Variants in GLCE observed in about 807,000 individuals in gnomAD.
GLCE encodes the protein D-glucuronyl C5-epimerase.
Under a neutral mutation model 47.9 loss-of-function variants are expected in GLCE, and 19 were observed. The observed-to-expected ratio is 0.40, with a 90% CI of 0.28 to 0.58. GLCE has a LOEUF of 0.58. GLCE is among the 20% of genes least tolerant of loss of function. The probability of loss-of-function intolerance (pLI) is 0.48; values close to 1 mark genes in which losing one functional copy is unlikely to be tolerated. For synonymous variants in GLCE, 245 were observed against 263.4 expected (o/e 0.93, Z 0.68); for missense variants, 556 against 743.3 (o/e 0.75, Z 2.93).
At chr15:69,215,769 A>G (rs552162932) in intron 2 of GLCE, among the ~76,000 whole-genome samples, 1 of 152,242 alleles carries the variant, frequency 6.6e-6, no homozygotes, top group South Asian at 2.1e-4. Context: ...ATTGTGCAGT[A>G]TATTTTTGCC....
At chr15:69,176,213 C>CTTG (rs1595736810) in intron 1 of GLCE, among the ~76,000 whole-genome samples, 2 of 52,572 alleles carry the variant, frequency 3.8e-5, no homozygotes, top group African/African-American at 5.2e-5. Context: ...TCAGTGGAAC[C>CTTG]TTGTTTTTTT....
At chr15:69,268,014 G>A (rs1198765329) in intron 4 of GLCE, among the ~76,000 whole-genome samples, 1 of 152,098 alleles carries the variant, frequency 6.6e-6, no homozygotes, top group Non-Finnish European at 1.5e-5. Flanking sequence ...TTGGCCTGAT[G>A]CTCACAAGCC....
chr15:69,228,550 G>A (rs1350972166), intron 2 of GLCE, among the ~76,000 whole-genome samples: 3 of 152,030 alleles, frequency 2.0e-5, no homozygotes, highest in Non-Finnish European at 4.4e-5. Flanking sequence ...AGAGAGAAGA[G>A]AAAGAATATA....
chr15:69,230,633 C>T (rs1047735507), intron 2 of GLCE, among the ~76,000 whole-genome samples: 1 of 152,118 alleles, frequency 6.6e-6, no homozygotes, highest in Non-Finnish European at 1.5e-5. Context: ...TCCTGCTAAC[C>T]CTGATTATCA....
At chr15:69,207,319 A>G (rs1340722198) in intron 1 of GLCE, among the ~76,000 whole-genome samples, 2 of 152,010 alleles carry the variant, frequency 1.3e-5, no homozygotes, top group African/African-American at 4.8e-5. Flanking sequence ...GGTTTTGACA[A>G]ATGCATAACG....
chr15:69,214,777 C>T (rs1213896700), intron 2 of GLCE, among the ~76,000 whole-genome samples: 1 of 152,114 alleles, frequency 6.6e-6, no homozygotes, highest in African/African-American at 2.4e-5. Context: ...CAGTGAGAAA[C>T]CTGACTCTCA....
intron 2 of GLCE, among the ~76,000 whole-genome samples, chr15:69,248,079 A>G (rs1326355066): frequency 6.6e-6 from 1 of 152,228 alleles, no homozygotes; most frequent in East Asian, 1.9e-4. Context: ...GAGCACTTGT[A>G]TCACAGATCA....
intron 2 of GLCE, 25 bp from the exon 3 acceptor site, chr15:69,255,769 A>G (rs1202770746): frequency 1.4e-6 from 2 of 1,379,778 alleles, no homozygotes; most frequent in Non-Finnish European, 2.0e-6. Context: ...TCTTTGCATG[A>G]TTTTTTTTCT....
chr15:69,193,075 GC>G (rs923706059), intron 1 of GLCE, among the ~76,000 whole-genome samples: 2 of 150,308 alleles, frequency 1.3e-5, no homozygotes, highest in African/African-American at 4.9e-5. Context: ...TCAGGCATCT[GC>G]CCCCTCCCCC....
chr15:69,238,889 A>T (rs1263204621), intron 2 of GLCE, among the ~76,000 whole-genome samples: 1 of 152,214 alleles, frequency 6.6e-6, no homozygotes, highest in Non-Finnish European at 1.5e-5. Flanking sequence ...ATCTTCAAGG[A>T]ATTCAATCTA....
At chr15:69,162,740 T>TTTTA (rs892029007) in intron 1 of GLCE, among the ~76,000 whole-genome samples, 2 of 152,116 alleles carry the variant, frequency 1.3e-5, no homozygotes, top group African/African-American at 2.4e-5. Flanking sequence ...GCCTCACTAA[T>TTTTA]TTTATTTATT....
At chr15:69,189,180 C>T (rs896506117) in intron 1 of GLCE, among the ~76,000 whole-genome samples, 4 of 152,144 alleles carry the variant, frequency 2.6e-5, no homozygotes, top group African/African-American at 9.7e-5. Context: ...CCTCTGTGCT[C>T]CACCTGTTCA....
At chr15:69,249,884 TAA>T (rs1285395290) in intron 2 of GLCE, among the ~76,000 whole-genome samples, 3 of 152,036 alleles carry the variant, frequency 2.0e-5, no homozygotes, top group Non-Finnish European at 4.4e-5. Context: ...AAAAAAACCC[TAA>T]GAGTTATGTT....
chr15:69,168,987 G>A (rs1054463898), intron 1 of GLCE, among the ~76,000 whole-genome samples: 1 of 152,162 alleles, frequency 6.6e-6, no homozygotes, highest in African/African-American at 2.4e-5. Context: ...GACCTTGAAA[G>A]CTTCCCTCCT....
intron 4 of GLCE, among the ~76,000 whole-genome samples, chr15:69,263,363 T>C (rs2053040323): frequency 6.6e-6 from 1 of 151,810 alleles, no homozygotes; most frequent in Non-Finnish European, 1.5e-5. Context: ...TTGGAACTTG[T>C]ACATAAAAGC....
At chr15:69,181,489 T>A (rs2051748152) in intron 1 of GLCE, among the ~76,000 whole-genome samples, 1 of 152,146 alleles carries the variant, frequency 6.6e-6, no homozygotes, top group African/African-American at 2.4e-5. Context: ...ACATGGAATC[T>A]TGGAAGCCAA....
chr15:69,233,295 T>G (rs1170465417), intron 2 of GLCE, among the ~76,000 whole-genome samples: 2 of 152,204 alleles, frequency 1.3e-5, no homozygotes, highest in Non-Finnish European at 2.9e-5. Flanking sequence ...TTTGACCTCC[T>G]CAGTCACTTC....
chr15:69,168,728 C>A (rs573548485), intron 1 of GLCE, among the ~76,000 whole-genome samples: 1 of 152,196 alleles, frequency 6.6e-6, no homozygotes, highest in South Asian at 2.1e-4. Context: ...GATGGGATTT[C>A]TCCATGTTGG....
intron 2 of GLCE, among the ~76,000 whole-genome samples, chr15:69,238,528 G>C (rs907284021): frequency 6.6e-6 from 1 of 152,006 alleles, no homozygotes; most frequent in Non-Finnish European, 1.5e-5. Context: ...CTTTTTCTGT[G>C]ACCTTCCCCA....
Sources: gnomAD v4.1 joint callset for allele counts (sites outside exome capture counted in the v4.1 genomes callset) on GRCh38, gnomAD v4.1.1 for gene constraint, MANE v1.5 for transcripts, NCBI Gene and HGNC (gene_info 2026-07-23, HGNC 2026-07-21) for gene names.